SYNGR1: variants seen among roughly 807,000 people sequenced by gnomAD.
The protein encoded by SYNGR1 is synaptogyrin 1, also known as synaptogyrin-1.
A neutral mutation model predicts 26.1 loss-of-function variants in SYNGR1; 14 were observed. The observed-to-expected ratio is 0.54, with a 90% CI of 0.35 to 0.84. SYNGR1 has a LOEUF of 0.84. Ranked by LOEUF, SYNGR1 falls within the 40% of genes least tolerant of loss-of-function variation. The pLI is 0.01. For missense variants in SYNGR1, 319 were observed against 332.9 expected (o/e 0.96, Z 0.33); for synonymous variants, 141 against 150.1 (o/e 0.94, Z 0.44).
chr22:39,361,196 A>G (rs1048630886), intron 1 of SYNGR1, among the ~76,000 whole-genome samples: 1 of 152,100 alleles, frequency 6.6e-6, no homozygotes, highest in Non-Finnish European at 1.5e-5. Flanking sequence ...TTTCTTCTCT[A>G]GAAGGTGAGG....
intron 1 of SYNGR1, among the ~76,000 whole-genome samples, chr22:39,373,068 A>G (rs985375467): frequency 6.6e-6 from 1 of 151,948 alleles, no homozygotes; most frequent in African/African-American, 2.4e-5. Flanking sequence ...AGCATGTGTA[A>G]TATACCCTTG....
intron 3 of SYNGR1, among the ~76,000 whole-genome samples, chr22:39,376,734 AG>A (rs1925302262): frequency 6.6e-6 from 1 of 152,062 alleles, no homozygotes; most frequent in Non-Finnish European, 1.5e-5. Flanking sequence ...AGCCGTGAGC[AG>A]GCCGGGTGAC....
chr22:39,385,006 A>G lies in SYNGR1; in HGVS notation c.*3092A>G, dbSNP rs1787274437. The G allele has an allele frequency of 2.5e-6, 1 of 398,774 alleles. No individual in the cohort carries two copies. The highest frequency in any genetic ancestry group is 4.4e-6 in the Non-Finnish European group (1 of 226,104). 24.7% of individuals were successfully genotyped at this position (398,774 alleles called of 1,614,324 possible). Reference sequence around the variant, plus strand: ...TGAGGGGCTAATTCCCAGGGGACTGACGTTAGTTCCCTACTCCATCCTTCC... The same window carrying G: ...TGAGGGGCTAATTCCCAGGGGACTGGCGTTAGTTCCCTACTCCATCCTTCC... On this transcript the variant is annotated 3_prime_UTR_variant, in exon 4 of 4. Transcript: ENST00000328933.
At chr22:39,351,414 C>A (rs9607637) in intron 1 of SYNGR1, among the ~76,000 whole-genome samples, 22,831 of 152,146 alleles carry the variant, frequency 0.15, 3,238 homozygotes, top group African/African-American at 0.37. Flanking sequence ...GGCAGGAAAG[C>A]CCAGTTCCTT....
intron 3 of SYNGR1, chr22:39,376,886 A>G (rs1488714105): frequency 1.3e-6 from 2 of 1,487,478 alleles, no homozygotes; most frequent in Non-Finnish European, 8.9e-7. Context: ...GGTTTAAACA[A>G]TATATTGTGT....
At chr22:39,378,252 T>A in intron 3 of SYNGR1, 4 of 1,017,938 alleles carry the variant, frequency 3.9e-6, no homozygotes, top group Non-Finnish European at 4.7e-6. Context: ...TCTCTCAGCC[T>A]CAGTCCACTT....
chr22:39,371,784 C>T (rs1182750022), intron 1 of SYNGR1, among the ~76,000 whole-genome samples: 2 of 151,992 alleles, frequency 1.3e-5, no homozygotes, highest in East Asian at 3.9e-4. Flanking sequence ...CATGCCCAGC[C>T]AAAAAGCGTG....
rs1925165332 is a variant in SYNGR1 at position 39,374,326 on chromosome 22, T to C, written c.110T>C (p.Ile37Thr). The C allele has an allele frequency of 1.2e-6, 2 of 1,613,702 alleles. No homozygotes were observed. Among genetic ancestry groups the C allele is most frequent in the South Asian group, 2.2e-5 (2 of 91,078 alleles). Residue 37 changes from isoleucine (I) to threonine (T), a missense_variant, in exon 2 of 4, where the codon ATA (isoleucine) becomes ACA (threonine). Physicochemically the swap from Ile to Thr is moderately conservative, Grantham distance 89. Coordinates refer to ENST00000328933, the MANE Select transcript of SYNGR1 (RefSeq NM_004711.5). ...CCCCACCCCCGACAGCTGTTCTCCA[T>C]AGTGGTGTTCGGCTCCATCGTGAAC... is the stretch of plus-strand genomic sequence containing the variant. ...ILRVVSWLFS[I>T]VVFGSIVNEG...
chr22:39,350,598 G>A lies in SYNGR1; in HGVS notation c.99+489G>A, dbSNP rs1923859779. Among the ~76,000 whole-genome samples, 1 of 152,186 alleles carries A rather than the reference G, an allele frequency of 6.6e-6. No individual in the cohort carries two copies. Among genetic ancestry groups the A allele is most frequent in the Non-Finnish European group, 1.5e-5 (1 of 68,022 alleles). ...GAGGGCCGGGAACCGGGTTCGTATT[G>A]CCTAGCCCGGCCCGTGTGGAGCGAT... On this transcript the variant is annotated intron_variant, in intron 1 of 3. Transcript: ENST00000328933. This position sits in a 1 kb window ranked among gnomAD's most constrained non-coding sequence, Gnocchi z 4.3.
At chr22:39,376,331 T>G (rs1601666014) in intron 3 of SYNGR1, 134 bp downstream of exon 3, 1 of 1,457,370 alleles carries the variant, frequency 6.9e-7, no homozygotes, top group African/African-American at 1.4e-5. Flanking sequence ...CTCTTCTGCC[T>G]GCCTGTCTGC....
chr22:39,376,968 T>C lies in SYNGR1; in HGVS notation c.483+771T>C, dbSNP rs1363360198. On this transcript the variant is annotated intron_variant, in intron 3 of 3. Coordinates refer to ENST00000328933, the MANE Select transcript of SYNGR1 (RefSeq NM_004711.5). ...AGCTCGGCTGGCCCCTCTTTCCCACTGGTCTGGGTCATGTCTGTTTCTTCT... is the reference window on the plus strand; with the variant it reads ...AGCTCGGCTGGCCCCTCTTTCCCACCGGTCTGGGTCATGTCTGTTTCTTCT... 4.5e-6 allele frequency: 7 copies of C among 1,549,342 alleles called. No individual in the cohort carries two copies. In the East Asian group the frequency reaches 1.5e-4, roughly 32 times the overall value.
At chr22:39,377,220 C>A in intron 3 of SYNGR1, 1 of 1,435,522 alleles carries the variant, frequency 7.0e-7, no homozygotes, top group Non-Finnish European at 9.1e-7. Context: ...TTTGAGGGCC[C>A]CTGGATATCC....
chr22:39,352,953 C>T (rs182931909), intron 1 of SYNGR1, among the ~76,000 whole-genome samples: 15 of 152,206 alleles, frequency 9.9e-5, no homozygotes, highest in Admixed American at 2.6e-4. Context: ...CCTCCGCCTC[C>T]CAGGTTCAAG....
At chr22:39,380,616 CTTT>C (rs58877789) in intron 3 of SYNGR1, among the ~76,000 whole-genome samples, 35 of 69,968 alleles carry the variant, frequency 5.0e-4, no homozygotes, top group African/African-American at 2.2e-3. Context: ...CCAAGCTGGC[CTTT>C]TTTTTTTTTT....
At chr22:39,374,626 C>T (rs897488632) in intron 2 of SYNGR1, 73 bp downstream of exon 2, 5 of 1,481,570 alleles carry the variant, frequency 3.4e-6, no homozygotes, top group Admixed American at 1.7e-5. Context: ...AGGCGGCTGC[C>T]ACCCTTCTTC....
chr22:39,371,075 T>C (rs114958314), intron 1 of SYNGR1, among the ~76,000 whole-genome samples: 2,936 of 152,298 alleles, frequency 0.019, 62 homozygotes, highest in African/African-American at 0.046. Flanking sequence ...CTTACAGAGA[T>C]AAGATAATAT....
intron 1 of SYNGR1, among the ~76,000 whole-genome samples, chr22:39,366,368 G>A (rs1004248592): frequency 6.6e-6 from 1 of 151,912 alleles, no homozygotes; most frequent in Non-Finnish European, 1.5e-5. Context: ...TATTCAGGCC[G>A]GGCATAGTGG....
At chr22:39,366,075 G>A (rs1408631062) in intron 1 of SYNGR1, among the ~76,000 whole-genome samples, 2 of 137,446 alleles carry the variant, frequency 1.5e-5, no homozygotes, top group Admixed American at 8.2e-5. Flanking sequence ...AGAGCTCACT[G>A]CAACCTTCAC....
intron 1 of SYNGR1, among the ~76,000 whole-genome samples, chr22:39,366,250 A>G (rs989259925): frequency 4.0e-5 from 6 of 150,962 alleles, no homozygotes; most frequent in Non-Finnish European, 7.4e-5. Flanking sequence ...CGGCCTCCCA[A>G]AGTGCTGGGA....
Sources: allele counts gnomAD v4.1 joint callset (sites outside exome capture counted in the v4.1 genomes callset), GRCh38; gene constraint gnomAD v4.1.1; non-coding constraint Gnocchi (gnomAD v3.1); transcripts MANE v1.5; gene names NCBI Gene and HGNC (gene_info 2026-07-23, HGNC 2026-07-21).